The following DOK6 variants were observed in gnomAD, a reference collection of about 807,000 sequenced individuals.
DOK6 encodes downstream of tyrosine kinase 6.
In DOK6, 22 loss-of-function variants were observed where a neutral mutation model predicts 44.0. The ratio of observed to expected loss-of-function variants is 0.50; its 90% CI spans 0.36 to 0.71. The LOEUF is 0.71. Among genes scored for constraint, DOK6 ranks in the 30% least tolerant of loss-of-function variants. The pLI is 0.00. For synonymous variants in DOK6, 166 were observed against 145.5 expected (o/e 1.14, Z -1.01); for missense variants, 340 against 416.4 (o/e 0.82, Z 1.60).
At chr18:69,532,860 T>G (rs971508271) in intron 1 of DOK6, 4 of 151,988 alleles carry the variant, frequency 2.6e-5, no homozygotes, top group Admixed American at 6.6e-5. Context: ...AGACCCTGTC[T>G]GAAAACAAAA....
chr18:69,644,081 C>T (rs1236622808), intron 3 of DOK6, among the ~76,000 whole-genome samples: 3 of 151,626 alleles, frequency 2.0e-5, no homozygotes, highest in African/African-American at 7.3e-5. Flanking sequence ...CGTATTTTGC[C>T]CATTTTCTAG....
chr18:69,513,403 CAG>C (rs147113061), intron 1 of DOK6, among the ~76,000 whole-genome samples: 32 of 152,094 alleles, frequency 2.1e-4, no homozygotes, highest in African/African-American at 1.7e-4. Flanking sequence ...CACTCTCTCT[CAG>C]AGTACAATCT....
At position 69,478,865 on chromosome 18, in the gene DOK6, T is replaced by C. The variant is rs369113231; in HGVS notation, c.66+77555T>C. On this transcript the variant is annotated intron_variant, in intron 1 of 7. Coordinates refer to ENST00000382713, the MANE Select transcript of DOK6 (RefSeq NM_152721.6). ...TTTTTTTCTCTGTACCAGGATCCAATTTATGATACAAAAATGCACTGAATA... is the reference window on the plus strand; with the variant it reads ...TTTTTTTCTCTGTACCAGGATCCAACTTATGATACAAAAATGCACTGAATA... Among the ~76,000 whole-genome samples the C allele has an allele frequency of 1.8e-3, 278 of 152,286 alleles. 1 individual carries two copies. Among genetic ancestry groups the C allele is most frequent in the African/African-American group, 6.4e-3 (267 of 41,574 alleles).
intron 7 of DOK6, among the ~76,000 whole-genome samples, chr18:69,828,446 TA>T (rs1227768340): frequency 4.0e-5 from 6 of 151,828 alleles, no homozygotes; most frequent in Non-Finnish European, 8.9e-5. Flanking sequence ...TGTAGAAAAT[TA>T]ATATCTCACT....
At chr18:69,626,009 T>C (rs929216768) in intron 3 of DOK6, among the ~76,000 whole-genome samples, 3 of 152,210 alleles carry the variant, frequency 2.0e-5, no homozygotes, top group Non-Finnish European at 4.4e-5. Context: ...GAACTCTGTA[T>C]TAAAATTCAC....
intron 3 of DOK6, among the ~76,000 whole-genome samples, chr18:69,672,310 G>C (rs569864020): frequency 6.6e-6 from 1 of 152,132 alleles, no homozygotes; most frequent in Non-Finnish European, 1.5e-5. Flanking sequence ...CCATGCTTTT[G>C]ATCTTTGCTG....
In DOK6 at chr18:69,659,799, T is replaced by G. The variant is rs536631935; in HGVS notation, c.290-17935T>G. The G allele has an allele frequency of 3.0e-4, 26 of 87,170 alleles. 1 individual carries two copies. The highest frequency in any genetic ancestry group is 1.2e-3 in the South Asian group (2 of 1,630). 5.4% of individuals were successfully genotyped at this position (87,170 alleles called of 1,614,324 possible). A position where few individuals can be genotyped will look rare whatever the true frequency, so the allele number is the denominator to read the frequency against. ...AGATGGCCATCTGAAATCCTGGTGG[T>G]TTTTTTTTCTGCTTTTTTTTTGTTA... is the stretch of plus-strand genomic sequence containing the variant. On this transcript the variant is annotated intron_variant, in intron 3 of 7. Transcript: ENST00000382713.
chr18:69,453,903 C>T (rs1979544901), intron 1 of DOK6, among the ~76,000 whole-genome samples: 1 of 33,526 alleles, frequency 3.0e-5, no homozygotes, highest in Non-Finnish European at 4.9e-5. Flanking sequence ...ATACAAAAAT[C>T]AATTCAAGAT....
intron 1 of DOK6, among the ~76,000 whole-genome samples, chr18:69,445,436 G>A (rs1363444382): frequency 1.3e-5 from 2 of 152,108 alleles, no homozygotes; most frequent in Admixed American, 6.6e-5. Flanking sequence ...TTTCATAAAC[G>A]CCTTTTATCA....
chr18:69,812,001 A>C (rs1981254206), intron 7 of DOK6, among the ~76,000 whole-genome samples: 1 of 152,144 alleles, frequency 6.6e-6, no homozygotes, highest in Admixed American at 6.6e-5. Context: ...GGCAGGCAAC[A>C]AACAAAAACT....
chr18:69,598,572 C>T (rs1055553615), intron 2 of DOK6, among the ~76,000 whole-genome samples: 16 of 151,898 alleles, frequency 1.1e-4, no homozygotes, highest in African/African-American at 3.1e-4. Context: ...AGAAAAAATT[C>T]GCACCTTGAT....
intron 5 of DOK6, among the ~76,000 whole-genome samples, chr18:69,702,567 C>T (rs960810992): frequency 6.6e-6 from 1 of 152,174 alleles, no homozygotes; most frequent in Non-Finnish European, 1.5e-5. Context: ...GATGTCATAA[C>T]AAAATATACC....
intron 1 of DOK6, among the ~76,000 whole-genome samples, chr18:69,485,303 C>A (rs920944981): frequency 8.6e-5 from 13 of 151,976 alleles, no homozygotes; most frequent in African/African-American, 3.1e-4. Flanking sequence ...TGTGTTGGAT[C>A]TATTAGTGCT....
rs370723672 is a variant in DOK6, at chr18:69,556,014, T to G, written c.67-8473T>G. 2.7e-3 allele frequency among the ~76,000 whole-genome samples: 405 copies of G among 152,346 alleles called. 2 individuals carry two copies. Among genetic ancestry groups the G allele is most frequent in the African/African-American group, 9.1e-3 (379 of 41,580 alleles). ...CACATTCTGCTGAATTAACCTCTGA[T>G]CATTGCAAAGTGTCTCCATCTCTAA... On this transcript the variant is annotated intron_variant, in intron 1 of 7. Coordinates refer to ENST00000382713, the MANE Select transcript of DOK6 (RefSeq NM_152721.6).
At chr18:69,550,087 T>G (rs1982521490) in intron 1 of DOK6, among the ~76,000 whole-genome samples, 1 of 151,256 alleles carries the variant, frequency 6.6e-6, no homozygotes, top group Non-Finnish European at 1.5e-5. Context: ...ATCCAAAATT[T>G]TACAAACATT....
At chr18:69,640,567 A>C (rs2144653707) in intron 3 of DOK6, among the ~76,000 whole-genome samples, 1 of 152,272 alleles carries the variant, frequency 6.6e-6, no homozygotes, top group South Asian at 2.1e-4. Flanking sequence ...AACTCCTGTG[A>C]TGAATGACAG....
rs2145145849 is a variant in DOK6 at position 69,846,178 on chromosome 18, AT to A, written c.*4798del. ...ATAGACTCTTATGGAAGTTGGGCAC[AT>A]TTCCCAGGCAGGTGGAATGCTAGCT... On this transcript the variant is annotated 3_prime_UTR_variant, in exon 8 of 8. Coordinates refer to ENST00000382713, the MANE Select transcript of DOK6 (RefSeq NM_152721.6). 6.6e-6 allele frequency: 1 copy of A among 152,318 alleles called. No individual in the cohort carries two copies. Among genetic ancestry groups the A allele is most frequent in the East Asian group, 1.9e-4 (1 of 5,176 alleles). 9.4% of individuals were successfully genotyped at this position (152,318 alleles called of 1,614,324 possible). A position where few individuals can be genotyped will look rare whatever the true frequency, so the allele number is the denominator to read the frequency against.
chr18:69,510,393 T>C (rs7226595), intron 1 of DOK6, among the ~76,000 whole-genome samples: 36,167 of 152,132 alleles, frequency 0.24, 4,481 homozygotes, highest in South Asian at 0.33. Flanking sequence ...AAATTTGCTT[T>C]TGTAAATATG....
chr18:69,719,582 G>T (rs1986961135), intron 5 of DOK6, among the ~76,000 whole-genome samples: 1 of 152,128 alleles, frequency 6.6e-6, no homozygotes, highest in Non-Finnish European at 1.5e-5. Flanking sequence ...CAGATTTCAG[G>T]CCCCTACCAT....
Sources: gnomAD v4.1 joint callset for allele counts (sites outside exome capture counted in the v4.1 genomes callset) on GRCh38, gnomAD v4.1.1 for gene constraint, MANE v1.5 for transcripts, NCBI Gene and HGNC (gene_info 2026-07-23, HGNC 2026-07-21) for gene names.